The following UCHL3 variants were observed in gnomAD, a reference collection of about 807,000 sequenced individuals.
The protein encoded by UCHL3 is ubiquitin C-terminal hydrolase L3, also known as ubiquitin carboxyl-terminal hydrolase isozyme L3.
In UCHL3, 22 loss-of-function variants were observed where a neutral mutation model predicts 35.8. The ratio of observed to expected loss-of-function variants is 0.61; its 90% confidence interval spans 0.44 to 0.88. UCHL3 has a LOEUF of 0.88. Ranked by LOEUF, UCHL3 falls within the 40% of genes least tolerant of loss-of-function variation. The pLI, the probability that UCHL3 is intolerant of heterozygous loss-of-function variation, is 0.00. For synonymous variants in UCHL3, 90 were observed against 92.8 expected (o/e 0.97, Z 0.17); for missense variants, 229 against 276.9 (o/e 0.83, Z 1.23).
chr13:75,553,793 A>G (rs2031196810), intron 2 of UCHL3, among the ~76,000 whole-genome samples: 1 of 152,206 alleles, frequency 6.6e-6, no homozygotes, highest in Non-Finnish European at 1.5e-5. Flanking sequence ...TAAAGTTAAT[A>G]TGGCCAAAAA....
chr13:75,580,541 G>A (rs993342557), intron 6 of UCHL3, among the ~76,000 whole-genome samples: 4 of 152,084 alleles, frequency 2.6e-5, no homozygotes, highest in African/African-American at 7.2e-5. Flanking sequence ...TAGACTCAGC[G>A]GTCTTGTCCT....
At chr13:75,573,956 G>A (rs943226516) in intron 6 of UCHL3, among the ~76,000 whole-genome samples, 5 of 152,136 alleles carry the variant, frequency 3.3e-5, no homozygotes, top group Admixed American at 2.6e-4. Flanking sequence ...GGTGGCTCAC[G>A]CCTGTAATCC....
At chr13:75,583,874 A>G (rs1268483145) in intron 6 of UCHL3, among the ~76,000 whole-genome samples, 5 of 152,212 alleles carry the variant, frequency 3.3e-5, no homozygotes, top group Non-Finnish European at 7.3e-5. Context: ...CTACCATAAG[A>G]CTATAAAATT....
chr13:75,569,245 C>T (rs1444504216), intron 5 of UCHL3: 2 of 384,990 alleles, frequency 5.2e-6, no homozygotes, highest in African/African-American at 2.1e-5. Flanking sequence ...ATTCAATTTC[C>T]TAAGTTTTCA....
At chr13:75,553,597 T>G (rs1871900698) in intron 2 of UCHL3, among the ~76,000 whole-genome samples, 1 of 152,236 alleles carries the variant, frequency 6.6e-6, no homozygotes, top group Non-Finnish European at 1.5e-5. Flanking sequence ...CACTTCATCC[T>G]AGACTGCTCA....
chr13:75,578,059 C>T (rs907439304), intron 6 of UCHL3, among the ~76,000 whole-genome samples: 1 of 152,018 alleles, frequency 6.6e-6, no homozygotes, highest in African/African-American at 2.4e-5. Flanking sequence ...TAGCAAAAGA[C>T]ACTTTTTGCA....
chr13:75,570,323 G>A (rs1336880895), intron 6 of UCHL3, among the ~76,000 whole-genome samples: 2 of 151,902 alleles, frequency 1.3e-5, no homozygotes, highest in Non-Finnish European at 2.9e-5. Context: ...TGCAAGCTCC[G>A]CCTCCCGGGT....
intron 6 of UCHL3, among the ~76,000 whole-genome samples, chr13:75,587,551 A>G (rs751662321): frequency 8.5e-5 from 13 of 152,178 alleles, no homozygotes; most frequent in Non-Finnish European, 1.8e-4. Context: ...TATGTAACTT[A>G]TCTTCAAATG....
intron 2 of UCHL3, among the ~76,000 whole-genome samples, chr13:75,557,379 A>G (rs1260174443): frequency 6.6e-6 from 1 of 152,244 alleles, no homozygotes; most frequent in East Asian, 1.9e-4. Context: ...CATAGAATAA[A>G]AAGAATAAGT....
At chr13:75,560,222 A>G (rs749940187) in intron 2 of UCHL3, among the ~76,000 whole-genome samples, 6 of 152,188 alleles carry the variant, frequency 3.9e-5, no homozygotes, top group Admixed American at 6.5e-5. Context: ...TAAATAGGAT[A>G]AACTATGTTG....
chr13:75,574,662 C>CA (rs1013802505), intron 6 of UCHL3, among the ~76,000 whole-genome samples: 1 of 152,096 alleles, frequency 6.6e-6, no homozygotes, highest in African/African-American at 2.4e-5. Flanking sequence ...ATTTAATGGG[C>CA]ATTCAATAAA....
intron 6 of UCHL3, among the ~76,000 whole-genome samples, chr13:75,592,431 T>TAC (rs1566227916): frequency 4.5e-5 from 4 of 89,732 alleles, no homozygotes; most frequent in African/African-American, 8.8e-5. Context: ...TATATATATA[T>TAC]ATATATATAT....
chr13:75,580,771 A>G (rs1477546726), intron 6 of UCHL3, among the ~76,000 whole-genome samples: 1 of 152,208 alleles, frequency 6.6e-6, no homozygotes, highest in East Asian at 1.9e-4. Context: ...CATTTTGCAG[A>G]TGGGAAATCT....
At chr13:75,571,755 C>CT (rs2031863751) in intron 6 of UCHL3, among the ~76,000 whole-genome samples, 1 of 152,106 alleles carries the variant, frequency 6.6e-6, no homozygotes, top group Non-Finnish European at 1.5e-5. Context: ...TTCTGGAGGG[C>CT]TTTTTTACAC....
chr13:75,585,081 G>A (rs1286731054), intron 6 of UCHL3, among the ~76,000 whole-genome samples: 1 of 151,780 alleles, frequency 6.6e-6, no homozygotes, highest in African/African-American at 2.4e-5. Flanking sequence ...GTGAGGGGTG[G>A]GGTCTTGAGA....
At chr13:75,576,607 G>C (rs2032032860) in intron 6 of UCHL3, among the ~76,000 whole-genome samples, 1 of 152,196 alleles carries the variant, frequency 6.6e-6, no homozygotes, top group African/African-American at 2.4e-5. Context: ...ACCCGCCTCA[G>C]CCTCCCAAAG....
chr13:75,549,636 C>T (rs964920839), upstream of UCHL3: 2 of 531,242 alleles, frequency 3.8e-6, no homozygotes, highest in African/African-American at 4.0e-5. Context: ...AAATATGACA[C>T]TTGACCTACG....
intron 6 of UCHL3, among the ~76,000 whole-genome samples, chr13:75,589,497 C>T (rs1205104034): frequency 7.9e-5 from 12 of 150,972 alleles, no homozygotes; most frequent in Non-Finnish European, 1.6e-4. Flanking sequence ...TTTTTTTCTT[C>T]TTGGAGCTTA....
At chr13:75,591,356 C>T (rs1414985015) in intron 6 of UCHL3, among the ~76,000 whole-genome samples, 1 of 152,062 alleles carries the variant, frequency 6.6e-6, no homozygotes, top group Non-Finnish European at 1.5e-5. Flanking sequence ...TTCGTTCATC[C>T]ATTTGATATT....
Sources: allele counts gnomAD v4.1 joint callset (sites outside exome capture counted in the v4.1 genomes callset), GRCh38; gene constraint gnomAD v4.1.1; transcripts MANE v1.5; gene names NCBI Gene and HGNC (gene_info 2026-07-23, HGNC 2026-07-21).